The following PLXNC1 variants were observed in gnomAD, a reference collection of about 807,000 sequenced individuals.
PLXNC1 encodes the protein plexin C1.
In PLXNC1, 75 loss-of-function variants were observed where a neutral mutation model predicts 178.2. The ratio of observed to expected loss-of-function variants is 0.42; its 90% CI spans 0.35 to 0.51. The LOEUF (loss-of-function observed/expected upper bound fraction) is 0.51. Ranked by LOEUF, PLXNC1 falls within the 20% of genes least tolerant of loss-of-function variation. The probability of loss-of-function intolerance (pLI) is 0.02; values close to 1 mark genes in which losing one functional copy is unlikely to be tolerated. For synonymous variants in PLXNC1, 790 were observed against 779.9 expected, an observed-to-expected ratio of 1.01 and a Z score of -0.22; for missense variants, 1,503 against 1,984.4, an observed-to-expected ratio of 0.76 and a Z score of 4.61.
intron 21 of PLXNC1, among the ~76,000 whole-genome samples, chr12:94,274,155 T>TTAAAAA (rs1190908348): frequency 2.2e-5 from 1 of 45,376 alleles, no homozygotes; most frequent in African/African-American, 1.2e-4. Flanking sequence ...ACCCTGTCTC[T>TTAAAAA]AAAAAAAAAA....
At chr12:94,185,774 C>T (rs182323876) in intron 3 of PLXNC1, among the ~76,000 whole-genome samples, 5 of 152,356 alleles carry the variant, frequency 3.3e-5, no homozygotes, top group Admixed American at 2.0e-4. Context: ...TGCCAAACTC[C>T]TGCTGACACT....
Position 94,149,936 on chromosome 12 carries a change from C to G in PLXNC1, c.965C>G (p.Ser322Cys). Residue 322 changes from serine (S) to cysteine (C), a missense_variant, in exon 1 of 31, where the codon TCC becomes TGC. Ser to Cys is a moderately radical substitution (Grantham distance 112, BLOSUM62 -1). Coordinates refer to ENST00000258526, the MANE Select transcript of PLXNC1 (RefSeq NM_005761.3). The stretch of plus-strand genomic sequence containing the variant: ...GCTGGAGAGGGCCAGGAGCGGCGCT[C>G]CCCCACCACCACGGCGCTCTGCCTC... ...AAAGEGQERR[S>C]PTTTALCLFR... 1 of 1,586,644 alleles carries G rather than the reference C, an allele frequency of 6.3e-7. No individual in the cohort carries two copies. Among genetic ancestry groups the G allele is most frequent in the South Asian group, 1.1e-5 (1 of 87,492 alleles).
chr12:94,177,364 C>T (rs1182515152), intron 2 of PLXNC1, among the ~76,000 whole-genome samples: 3 of 150,460 alleles, frequency 2.0e-5, no homozygotes, highest in Admixed American at 6.7e-5. Context: ...AGGAAACATA[C>T]TAATTTAAAC....
rs1325938153 is a variant in PLXNC1 at position 94,149,499 on chromosome 12, C to T, written c.528C>T (p.Tyr176=). ...GCGCGGGCCGGAACAACCGCTGGTA[C>T]CTGGCGGTGGCCGCCACCTACGTGC... The part of the protein sequence containing the change: ...VYRAGRNNRW[Y]LAVAATYVLP... The change falls in exon 1 of 31, where the codon TAC becomes TAT. Residue 176 remains tyrosine, a synonymous_variant. Coordinates refer to ENST00000258526, the MANE Select transcript of PLXNC1 (RefSeq NM_005761.3). 2 of 1,532,214 alleles carry T rather than the reference C, an allele frequency of 1.3e-6. No homozygotes were observed. The highest frequency in any genetic ancestry group is 8.7e-7 in the Non-Finnish European group (1 of 1,145,122). The allele number at this position is 1,532,214 out of a possible 1,614,324, so 94.9% of individuals were successfully genotyped here. A position where few individuals can be genotyped will look rare whatever the true frequency, so the allele number is the denominator to read the frequency against.
In PLXNC1 at chr12:94,261,209, C is replaced by T. The variant is rs187682488; in HGVS notation, c.3450+369C>T. On this transcript the variant is annotated intron_variant, in intron 20 of 30. Coordinates refer to ENST00000258526, the MANE Select transcript of PLXNC1 (RefSeq NM_005761.3). Reference sequence around the variant, plus strand: ...CCCTCTGAAGCATTGTAGAAATACCCGTTGCCTACCAATATGCTGTAAGCT... The same window carrying T: ...CCCTCTGAAGCATTGTAGAAATACCTGTTGCCTACCAATATGCTGTAAGCT... Among the ~76,000 whole-genome samples, 5 of 152,332 alleles carry T rather than the reference C, an allele frequency of 3.3e-5. No individual in the cohort carries two copies. In the East Asian group the frequency reaches 5.8e-4, roughly 18 times the overall value.
Position 94,149,561 on chromosome 12 carries a change from CG to C in PLXNC1, c.592del (p.Ala198HisfsTer102). ...GAGACGGCGAGCCGCTGCAACCCCG[CG>C]GCATCCGACCACGACACGGCCATCG... The part of the protein sequence containing the change: ...EPETASRCNP[A>X]ASDHDTAIAL... On this transcript the variant is annotated frameshift_variant, in exon 1 of 31. Coordinates refer to ENST00000258526, the MANE Select transcript of PLXNC1 (RefSeq NM_005761.3). LOFTEE classifies it high-confidence loss of function. 1 of 1,559,448 alleles carries C rather than the reference CG, an allele frequency of 6.4e-7. No individual in the cohort carries two copies. Among genetic ancestry groups the C allele is most frequent in the Non-Finnish European group, 8.6e-7 (1 of 1,156,916 alleles).
At chr12:94,163,005 C>A (rs1225312287) in intron 1 of PLXNC1, among the ~76,000 whole-genome samples, 1 of 152,118 alleles carries the variant, frequency 6.6e-6, no homozygotes, top group African/African-American at 2.4e-5. Flanking sequence ...TAATGAGGAG[C>A]CATCCCATGT....
At chr12:94,181,700 T>C in intron 3 of PLXNC1, 120 bp downstream of exon 3, 1 of 821,122 alleles carries the variant, frequency 1.2e-6, no homozygotes, top group Non-Finnish European at 2.0e-6. Context: ...CCCCAGGCTT[T>C]GAGGAGACCC....
intron 1 of PLXNC1, among the ~76,000 whole-genome samples, chr12:94,155,514 T>C (rs1713127811): frequency 6.6e-6 from 1 of 152,200 alleles, no homozygotes; most frequent in South Asian, 2.1e-4. Context: ...TTGTCGCATT[T>C]TTTTTCCCCT....
intron 21 of PLXNC1, among the ~76,000 whole-genome samples, chr12:94,278,294 C>T (rs115372731): frequency 0.025 from 3,770 of 152,324 alleles, 157 homozygotes; most frequent in African/African-American, 0.086. Flanking sequence ...ATCTAAACTG[C>T]TATGTTATGC....
At chr12:94,256,967 G>A (rs1351140011) in intron 17 of PLXNC1, among the ~76,000 whole-genome samples, 2 of 151,906 alleles carry the variant, frequency 1.3e-5, no homozygotes, top group African/African-American at 4.8e-5. Context: ...AAAACAACTG[G>A]GAAAGTCATA....
intron 21 of PLXNC1, among the ~76,000 whole-genome samples, chr12:94,267,291 T>C (rs1965297497): frequency 6.6e-6 from 1 of 152,198 alleles, no homozygotes; most frequent in African/African-American, 2.4e-5. Context: ...GAGGCAACTT[T>C]TGAGGTTTTG....
chr12:94,270,913 G>A (rs1349593524), intron 21 of PLXNC1, among the ~76,000 whole-genome samples: 1 of 152,126 alleles, frequency 6.6e-6, no homozygotes, highest in Non-Finnish European at 1.5e-5. Context: ...GAAGAGGGGA[G>A]GCTGGATGGG....
At chr12:94,156,137 G>T (rs975552596) in intron 1 of PLXNC1, among the ~76,000 whole-genome samples, 1 of 152,132 alleles carries the variant, frequency 6.6e-6, no homozygotes, top group African/African-American at 2.4e-5. Context: ...ATTATTGTCT[G>T]GATTCACGAG....
intron 4 of PLXNC1, among the ~76,000 whole-genome samples, chr12:94,193,526 G>T (rs1962799823): frequency 6.6e-6 from 1 of 152,196 alleles, no homozygotes; most frequent in South Asian, 2.1e-4. Context: ...TCTGGAAGAT[G>T]TATCCTTTCT....
Position 94,192,923 on chromosome 12 carries a change from T to A in PLXNC1, c.1439+6450T>A, listed in dbSNP as rs559479608. 2.0e-5 allele frequency among the ~76,000 whole-genome samples: 3 copies of A among 152,224 alleles called. No homozygotes were observed. The South Asian group carries it at 6.2e-4, about 32-fold the overall frequency. On this transcript the variant is annotated intron_variant, in intron 4 of 30. Transcript: ENST00000258526. ...TCAATAAGTAAAGGAGATAAATGAATAGAGTGTCATAAGAGCTAGCATGGG... is the reference window on the plus strand; with the variant it reads ...TCAATAAGTAAAGGAGATAAATGAAAAGAGTGTCATAAGAGCTAGCATGGG...
Position 94,260,507 on chromosome 12 carries a change from A to AT in PLXNC1, c.3252-133dup. The AT allele has an allele frequency of 3.5e-6, 2 of 571,916 alleles. No individual in the cohort carries two copies. The highest frequency in any genetic ancestry group is 3.8e-5 in the Admixed American group (1 of 26,058). 35.4% of individuals were successfully genotyped at this position (571,916 alleles called of 1,614,324 possible). On this transcript the variant is annotated intron_variant, in intron 19 of 30. Coordinates refer to ENST00000258526, the MANE Select transcript of PLXNC1 (RefSeq NM_005761.3). The surrounding 1 kb of genome is among the most constrained non-coding windows in gnomAD (Gnocchi z 4.4). ...AGATAGAAGTGGTTAGAATCTAAAC[A>AT]TTAAAAAAAAAAAAAAAAAAGCTCC...
At chr12:94,251,583 G>A in intron 15 of PLXNC1, 55 bp downstream of exon 15, 1 of 1,137,102 alleles carries the variant, frequency 8.8e-7, no homozygotes. Flanking sequence ...CCTCTCGCCG[G>A]GCAGGCAGAC....
At chr12:94,225,069 A>G (rs1963901884) in intron 7 of PLXNC1, among the ~76,000 whole-genome samples, 1 of 152,168 alleles carries the variant, frequency 6.6e-6, no homozygotes, top group African/African-American at 2.4e-5. Flanking sequence ...CCTTTTCACC[A>G]TCTTTGGCCT....
Sources: gnomAD v4.1 joint callset for allele counts (sites outside exome capture counted in the v4.1 genomes callset) on GRCh38, gnomAD v4.1.1 for gene constraint, Gnocchi (gnomAD v3.1) non-coding constraint, MANE v1.5 for transcripts, NCBI Gene and HGNC (gene_info 2026-07-23, HGNC 2026-07-21) for gene names.